RMDN2: variants seen among roughly 807,000 people sequenced by gnomAD.
RMDN2 encodes the protein regulator of microtubule dynamics protein 2.
In RMDN2, 61 loss-of-function variants were observed where a neutral mutation model predicts 52.8. That is an observed-to-expected ratio of 1.16 (90% confidence interval 0.94 to 1.43). RMDN2 has a LOEUF of 1.43. Ranked by LOEUF, RMDN2 falls within the 40% of genes most tolerant of loss-of-function variation. The pLI, the probability that RMDN2 is intolerant of heterozygous loss-of-function variation, is 0.00. For synonymous variants in RMDN2, 180 were observed against 153.1 expected, an observed-to-expected ratio of 1.18 and a Z score of -1.30; for missense variants, 592 against 475.3, an observed-to-expected ratio of 1.25 and a Z score of -2.28.
At chr2:38,002,646 C>CG (rs1261610880) in intron 8 of RMDN2, among the ~76,000 whole-genome samples, 2 of 152,088 alleles carry the variant, frequency 1.3e-5, no homozygotes, top group Non-Finnish European at 2.9e-5. Context: ...AGCCAAATAT[C>CG]TGTTTTTTTA....
Position 37,950,226 on chromosome 2 carries a change from G to A in RMDN2, c.452+20497G>A, listed in dbSNP as rs1029508543. ...AGAGATGGTCCAAGGTGAGAGAGAT[G>A]GTCCAAGGTAAAGGATTGTACAGCT... is the stretch of plus-strand genomic sequence containing the variant. On this transcript the variant is annotated intron_variant, in intron 2 of 10. Coordinates refer to ENST00000354545, the MANE Select transcript of RMDN2 (RefSeq NM_001170791.3). The A allele has an allele frequency of 1.0e-5, 4 of 383,746 alleles. No individual in the cohort carries two copies. The Admixed American group carries it at 1.5e-4, about 14-fold the overall frequency. The allele number at this position is 383,746 out of a possible 1,614,324, so 23.8% of individuals were successfully genotyped here. A position where few individuals can be genotyped will look rare whatever the true frequency, so the allele number is the denominator to read the frequency against.
chr2:38,004,127 C>G lies in RMDN2; in HGVS notation c.1099-9C>G. The stretch of plus-strand genomic sequence containing the variant: ...ATTATGTTTAATATTGGTTATTTCT[C>G]ATTTCCAGTGTTATACTGATCTTGA... On this transcript the variant is annotated splice_polypyrimidine_tract_variant and intron_variant, in intron 9 of 10. Coordinates refer to ENST00000354545, the MANE Select transcript of RMDN2 (RefSeq NM_001170791.3). 2 of 1,612,740 alleles carry G rather than the reference C, an allele frequency of 1.2e-6. No individual in the cohort carries two copies. Among genetic ancestry groups the G allele is most frequent in the Non-Finnish European group, 1.7e-6 (2 of 1,178,896 alleles).
At chr2:38,059,929 G>T (rs954888215) in intron 10 of RMDN2, among the ~76,000 whole-genome samples, 3 of 151,830 alleles carry the variant, frequency 2.0e-5, no homozygotes, top group Non-Finnish European at 4.4e-5. Flanking sequence ...ACGGAGTCTC[G>T]CTCTGTCACC....
intron 5 of RMDN2, among the ~76,000 whole-genome samples, chr2:37,984,864 A>T (rs2373326): frequency 0.43 from 64,550 of 151,332 alleles, 15,336 homozygotes; most frequent in East Asian, 0.8. Context: ...AATAAAATTA[A>T]GTATTTTAAA....
chr2:37,991,174 A>G (rs1674740016), intron 6 of RMDN2, 46 bp from the exon 7 acceptor site: 1 of 1,119,960 alleles, frequency 8.9e-7, no homozygotes, highest in Non-Finnish European at 1.3e-6. Flanking sequence ...CCAGTCAACA[A>G]TATCTGAAAC....
chr2:37,951,865 C>G, intron 2 of RMDN2: 1 of 1,613,526 alleles, frequency 6.2e-7, no homozygotes, highest in South Asian at 1.1e-5. Flanking sequence ...TCCTTCTTTT[C>G]TCTTGCAAGT....
intron 10 of RMDN2, among the ~76,000 whole-genome samples, chr2:38,031,579 A>G (rs986830885): frequency 2.0e-5 from 3 of 151,776 alleles, no homozygotes; most frequent in Admixed American, 6.6e-5. Flanking sequence ...CCGCAAATGA[A>G]CTCTTCCATT....
downstream of RMDN2, among the ~76,000 whole-genome samples, chr2:38,021,457 C>T (rs111579360): frequency 0.021 from 3,260 of 152,258 alleles, 106 homozygotes; most frequent in African/African-American, 0.067. Flanking sequence ...TCGGTCCACA[C>T]TGCCTTTATG....
chr2:38,021,031 A>G (rs1004037990), downstream of RMDN2, among the ~76,000 whole-genome samples: 5 of 152,176 alleles, frequency 3.3e-5, no homozygotes, highest in Non-Finnish European at 5.9e-5. Flanking sequence ...AAATACACCA[A>G]TCAGCACTCT....
At chr2:38,051,074 G>A (rs887146113) in intron 10 of RMDN2, among the ~76,000 whole-genome samples, 4 of 152,104 alleles carry the variant, frequency 2.6e-5, no homozygotes, top group Admixed American at 6.5e-5. Context: ...GCTGTGCCCC[G>A]AGGAATGAGC....
chr2:38,033,177 T>A (rs1680335622), intron 10 of RMDN2: 1 of 152,238 alleles, frequency 6.6e-6, no homozygotes, highest in South Asian at 2.1e-4. Context: ...TTTCATGTGC[T>A]CATTTGGCTT....
intron 10 of RMDN2, among the ~76,000 whole-genome samples, chr2:38,042,633 T>G (rs953126711): frequency 6.6e-6 from 1 of 152,180 alleles, no homozygotes; most frequent in Non-Finnish European, 1.5e-5. Flanking sequence ...AATATATGCA[T>G]TCAGTGCTAT....
At chr2:38,042,912 CT>C (rs1681052017) in intron 10 of RMDN2, among the ~76,000 whole-genome samples, 1 of 151,962 alleles carries the variant, frequency 6.6e-6, no homozygotes, top group South Asian at 2.1e-4. Flanking sequence ...ATTTTATGGC[CT>C]AGAGTGTGGT....
chr2:38,041,427 G>GTTT (rs3057329), intron 10 of RMDN2, among the ~76,000 whole-genome samples: 37,451 of 119,630 alleles, frequency 0.31, 6,581 homozygotes, highest in South Asian at 0.48. Context: ...TTTTTTATTG[G>GTTT]TTTTTTTTTT....
At chr2:38,032,753 C>A (rs746946222) in intron 10 of RMDN2, 1 of 152,282 alleles carries the variant, frequency 6.6e-6, no homozygotes, top group Non-Finnish European at 1.5e-5. Flanking sequence ...GCAGGAGAAT[C>A]GCTTGAACCT....
At chr2:37,927,132 C>A (rs575093779) in intron 1 of RMDN2, among the ~76,000 whole-genome samples, 1 of 152,278 alleles carries the variant, frequency 6.6e-6, no homozygotes, top group South Asian at 2.1e-4. Context: ...TTTAAAACAT[C>A]AGCTCCGTTG....
In RMDN2 at chr2:37,929,654, C is replaced by T. The variant is rs1156354500; in HGVS notation, c.377C>T (p.Ala126Val). Reference sequence around the variant, plus strand: ...CATAAGATAAGCCCTCAGCACAGAGCGAGAAAAAGAAGACTCCCCACAATT... The same window carrying T: ...CATAAGATAAGCCCTCAGCACAGAGTGAGAAAAAGAAGACTCCCCACAATT... ...TVHKISPQHR[A>V]RKRRLPTIQS... Residue 126 changes from alanine (A) to valine (V), a missense_variant, in exon 2 of 11, where the codon GCG becomes GTG. Physicochemically the swap from Ala to Val is moderately conservative, Grantham distance 64 (BLOSUM62 0). Coordinates refer to ENST00000354545, the MANE Select transcript of RMDN2 (RefSeq NM_001170791.3). The T allele has an allele frequency of 8.4e-6, 13 of 1,544,330 alleles. No individual in the cohort carries two copies. Among genetic ancestry groups the T allele is most frequent in the African/African-American group, 2.8e-5 (2 of 72,398 alleles).
chr2:38,028,547 G>A (rs1679946713), intron 10 of RMDN2, among the ~76,000 whole-genome samples: 1 of 152,136 alleles, frequency 6.6e-6, no homozygotes, highest in Non-Finnish European at 1.5e-5. Flanking sequence ...TGCTAGTAAT[G>A]GCATGTAGCA....
intron 10 of RMDN2, among the ~76,000 whole-genome samples, chr2:38,040,225 C>T (rs1680871278): frequency 6.6e-6 from 1 of 151,992 alleles, no homozygotes; most frequent in Non-Finnish European, 1.5e-5. Flanking sequence ...CCATTGATTT[C>T]TGTGTCTATT....
Sources: allele counts gnomAD v4.1 joint callset (sites outside exome capture counted in the v4.1 genomes callset), GRCh38; gene constraint gnomAD v4.1.1; transcripts MANE v1.5; gene names NCBI Gene and HGNC (gene_info 2026-07-23, HGNC 2026-07-21).